Variants in TRIM36 observed in about 807,000 individuals in gnomAD.
The protein encoded by TRIM36 is E3 ubiquitin-protein ligase TRIM36.
Under a neutral mutation model 72.4 loss-of-function variants are expected in TRIM36, and 42 were observed. The observed-to-expected ratio is 0.58, with a 90% CI of 0.45 to 0.75. The LOEUF (loss-of-function observed/expected upper bound fraction) is 0.75. Among genes scored for constraint, TRIM36 ranks in the 30% least tolerant of loss-of-function variants. TRIM36 has a pLI of 0.00. For synonymous variants in TRIM36, 315 were observed against 282.8 expected (o/e 1.11, Z -1.14); for missense variants, 913 against 857.1 (o/e 1.07, Z -0.81).
intron 9 of TRIM36, among the ~76,000 whole-genome samples, chr5:115,128,259 G>C (rs1241164296): frequency 6.6e-5 from 10 of 151,012 alleles, no homozygotes; most frequent in Non-Finnish European, 1.5e-5. Flanking sequence ...ATCCCAGCTA[G>C]TCGGGAGGCT....
rs747152861 is a variant in TRIM36, at chr5:115,137,645, T to C, written c.832-29A>G. 5.9e-6 allele frequency: 9 copies of C among 1,534,016 alleles called. No homozygotes were observed. The African/African-American group carries it at 1.2e-4, about 21-fold the overall frequency. On this transcript the variant is annotated intron_variant, in intron 5 of 9. Coordinates refer to ENST00000513154, the MANE Select transcript of TRIM36 (RefSeq NM_001300759.2). The stretch of plus-strand genomic sequence containing the variant: ...AGAAAAAACAGTATCTCCATTACAC[T>C]AAGATAAAACAAAGAATAGCCTCTT...
chr5:115,153,271 A>G (rs1381674485), intron 2 of TRIM36, among the ~76,000 whole-genome samples: 1 of 152,198 alleles, frequency 6.6e-6, no homozygotes, highest in Admixed American at 6.5e-5. Context: ...TTTAAAGCAA[A>G]CCAATTTAAA....
rs758026590 is a variant in TRIM36, at chr5:115,163,578, T to A, written c.202A>T (p.Ser68Cys). 2.5e-5 allele frequency: 40 copies of A among 1,614,096 alleles called. No homozygotes were observed. The highest frequency in any genetic ancestry group is 3.2e-5 in the Non-Finnish European group (38 of 1,180,052). Residue 68 changes from serine to cysteine, a missense_variant, in exon 2 of 10, where the codon AGT becomes TGT. By Grantham distance (112) the Ser-to-Cys change is moderately radical. Coordinates refer to ENST00000513154, the MANE Select transcript of TRIM36 (RefSeq NM_001300759.2). ...DVGSDNSNQS[S>C]PRLRLPSPSM... ...GGGGAGGGGAGCCGAAGTCGAGGAC[T>A]GCTTTGATTGGAGTTGTCTGATCCC... is the stretch of plus-strand genomic sequence containing the variant.
At chr5:115,156,739 T>C (rs1754197436) in intron 2 of TRIM36, among the ~76,000 whole-genome samples, 1 of 152,162 alleles carries the variant, frequency 6.6e-6, no homozygotes, top group Non-Finnish European at 1.5e-5. Flanking sequence ...GAAAAAACCA[T>C]TGTGGACTTT....
chr5:115,171,047 G>A (rs1755092803), upstream of TRIM36: 1 of 1,611,318 alleles, frequency 6.2e-7, no homozygotes, highest in Admixed American at 1.7e-5. Context: ...TTTAAGAACA[G>A]ATGCCCTAAA....
chr5:115,163,832 T>C (rs1349498785), intron 1 of TRIM36, 80 bp from the exon 2 acceptor site: 1 of 1,060,720 alleles, frequency 9.4e-7, no homozygotes, highest in Non-Finnish European at 1.4e-6. Flanking sequence ...AATAAGTACA[T>C]GTGTTTATTT....
At chr5:115,178,343 C>T (rs189872762) in intron 1 of TRIM36, among the ~76,000 whole-genome samples, 94 of 152,320 alleles carry the variant, frequency 6.2e-4, no homozygotes, top group African/African-American at 2.2e-3. Context: ...TGCCCCCTAG[C>T]CCCTCAACGT....
chr5:115,164,658 G>A (rs1754665391), intron 1 of TRIM36, among the ~76,000 whole-genome samples: 1 of 152,184 alleles, frequency 6.6e-6, no homozygotes, highest in African/African-American at 2.4e-5. Flanking sequence ...AACACCTTGG[G>A]ATTACAATTC....
At position 115,167,782 on chromosome 5, in the gene TRIM36, G is replaced by A. The variant is rs1754870105; in HGVS notation, c.27+1826C>T. On this transcript the variant is annotated intron_variant, in intron 1 of 9. Transcript: ENST00000513154. ...TCCAAAGTCACTTCCACATTGTTGG[G>A]TATCTTTACAGCAGTGCCCACTACC... is the stretch of plus-strand genomic sequence containing the variant. 2.0e-5 allele frequency among the ~76,000 whole-genome samples: 3 copies of A among 152,188 alleles called. No individual in the cohort carries two copies. The South Asian group carries it at 6.2e-4, about 31-fold the overall frequency.
intron 5 of TRIM36, among the ~76,000 whole-genome samples, chr5:115,138,824 CT>C (rs1270069338): frequency 6.6e-6 from 1 of 151,052 alleles, no homozygotes; most frequent in South Asian, 2.1e-4. Context: ...CAAGAACATT[CT>C]TTTTTTTTGA....
chr5:115,164,307 C>A (rs1483951352), intron 1 of TRIM36, among the ~76,000 whole-genome samples: 1 of 152,158 alleles, frequency 6.6e-6, no homozygotes, highest in East Asian at 1.9e-4. Flanking sequence ...GCCTGAGGTT[C>A]TCATGCTGTA....
chr5:115,142,562 C>T (rs1753335543), intron 4 of TRIM36, among the ~76,000 whole-genome samples: 1 of 152,208 alleles, frequency 6.6e-6, no homozygotes, highest in African/African-American at 2.4e-5. Flanking sequence ...ACCACACTCT[C>T]TGAGTTTTAA....
In TRIM36 at chr5:115,163,622, T is replaced by C. The variant is rs1293700578; in HGVS notation, c.158A>G (p.Asp53Gly). 1 of 1,614,170 alleles carries C rather than the reference T, an allele frequency of 6.2e-7. No individual in the cohort carries two copies. The highest frequency in any genetic ancestry group is 8.5e-7 in the Non-Finnish European group (1 of 1,180,020). The change falls in exon 2 of 10, where the codon GAT becomes GGT. Residue 53 changes from aspartate (D) to glycine (G), a missense_variant. Transcript: ENST00000513154. ...TGATCCCACATCGTTGAATGAATCA[T>C]CGAGAGTCAGCAGGAGTTCTTTTAC... The part of the protein sequence containing the change: ...KCVKELLLTL[D>G]DSFNDVGSDN...
upstream of TRIM36, chr5:115,169,960 A>C (rs573975242): frequency 8.3e-7 from 1 of 1,210,308 alleles, no homozygotes; most frequent in Non-Finnish European, 1.0e-6. Flanking sequence ...CGGGGCGTGG[A>C]CAGGGCGTGG....
chr5:115,177,450 T>C, intron 1 of TRIM36: 1 of 1,023,026 alleles, frequency 9.8e-7, no homozygotes, highest in Non-Finnish European at 1.2e-6. Context: ...ATTAGACCAG[T>C]TTCCCATTAT....
chr5:115,172,025 A>C (rs1755137225), upstream of TRIM36, among the ~76,000 whole-genome samples: 1 of 152,208 alleles, frequency 6.6e-6, no homozygotes, highest in African/African-American at 2.4e-5. Flanking sequence ...TCAGAGTATA[A>C]GTGTCTTCTT....
rs1188267827 is a variant in TRIM36, at chr5:115,126,542, G to A, written c.2112C>T (p.Pro704=). 3.1e-6 allele frequency: 5 copies of A among 1,611,690 alleles called. No individual in the cohort carries two copies. In the African/African-American group the frequency reaches 6.7e-5, roughly 22 times the overall value. ...MGSGGIQLEE[P]ITAKYLEYQE... is the part of the protein sequence containing the mutation. ...GGTATTCCAGATATTTTGCTGTGAT[G>A]GGTTCTTCAAGCTGAATTCCTCCAC... Residue 704 remains proline (P), a synonymous_variant, in exon 10 of 10, where the codon CCC becomes CCT. Coordinates refer to ENST00000513154, the MANE Select transcript of TRIM36 (RefSeq NM_001300759.2).
upstream of TRIM36, among the ~76,000 whole-genome samples, chr5:115,171,969 GACCTT>G (rs1262964477): frequency 6.6e-6 from 1 of 152,168 alleles, no homozygotes; most frequent in Non-Finnish European, 1.5e-5. Context: ...AGATGTTTAA[GACCTT>G]ATATTAGTCT....
At chr5:115,151,720 C>A (rs569516091) in intron 2 of TRIM36, among the ~76,000 whole-genome samples, 1 of 152,190 alleles carries the variant, frequency 6.6e-6, no homozygotes, top group African/African-American at 2.4e-5. Flanking sequence ...TGTGGGCAGA[C>A]AACACCCAAT....
Sources: allele counts gnomAD v4.1 joint callset (sites outside exome capture counted in the v4.1 genomes callset), GRCh38; gene constraint gnomAD v4.1.1; transcripts MANE v1.5; gene names NCBI Gene and HGNC (gene_info 2026-07-23, HGNC 2026-07-21).